PATJ: variants seen among roughly 807,000 people sequenced by gnomAD.
PATJ encodes PATJ crumbs cell polarity complex component.
PATJ carries 190 observed loss-of-function variants against 224.9 expected under a neutral mutation model. That is an observed-to-expected ratio of 0.84 (90% CI 0.75 to 0.95). The LOEUF is 0.95. Among genes scored for constraint, PATJ ranks in the 40% least tolerant of loss-of-function variants. The pLI, the probability that PATJ is intolerant of heterozygous loss-of-function variation, is 0.00. For synonymous variants in PATJ, 769 were observed against 820.3 expected (o/e 0.94, Z 1.07); for missense variants, 2,121 against 2,270.3 (o/e 0.93, Z 1.34).
chr1:61,853,324 C>T (rs1663132516), intron 17 of PATJ, among the ~76,000 whole-genome samples: 1 of 152,080 alleles, frequency 6.6e-6, no homozygotes, highest in South Asian at 2.1e-4. Flanking sequence ...ACCTCCTCAC[C>T]TATTTGGGTT....
At chr1:62,104,173 T>C (rs1207409133) in intron 33 of PATJ, among the ~76,000 whole-genome samples, 1 of 152,020 alleles carries the variant, frequency 6.6e-6, no homozygotes, top group Non-Finnish European at 1.5e-5. Context: ...AGAGCTGCAG[T>C]TTTGCTTGAA....
intron 31 of PATJ, among the ~76,000 whole-genome samples, chr1:62,054,928 G>T (rs994779426): frequency 6.6e-6 from 1 of 152,024 alleles, no homozygotes; most frequent in Non-Finnish European, 1.5e-5. Context: ...GGTGGCGGGT[G>T]CCTGTAGTCC....
At chr1:61,756,905 G>C (rs979861965) in intron 1 of PATJ, among the ~76,000 whole-genome samples, 1 of 151,830 alleles carries the variant, frequency 6.6e-6, no homozygotes, top group African/African-American at 2.4e-5. Context: ...GTTTTCTGTT[G>C]TGTTCTCATT....
chr1:62,146,857 G>A (rs576873445), intron 41 of PATJ, among the ~76,000 whole-genome samples: 2 of 152,080 alleles, frequency 1.3e-5, no homozygotes, highest in Non-Finnish European at 2.9e-5. Flanking sequence ...GGTTGTGAGA[G>A]ACAGAGATGA....
chr1:61,796,195 C>T (rs1651063068), intron 10 of PATJ, among the ~76,000 whole-genome samples: 1 of 152,236 alleles, frequency 6.6e-6, no homozygotes, highest in South Asian at 2.1e-4. Flanking sequence ...TGACTCTTGG[C>T]TTTAAAAGCC....
chr1:61,869,252 G>A (rs929809707), intron 20 of PATJ, among the ~76,000 whole-genome samples: 27 of 149,400 alleles, frequency 1.8e-4, no homozygotes, highest in South Asian at 8.7e-4. Context: ...GACTACAGGC[G>A]CCCGCCACTA....
At chr1:61,968,577 T>C (rs1682498524) in intron 27 of PATJ, among the ~76,000 whole-genome samples, 1 of 152,190 alleles carries the variant, frequency 6.6e-6, no homozygotes, top group Non-Finnish European at 1.5e-5. Flanking sequence ...ATTATTATTA[T>C]ACTTTAAGTT....
intron 41 of PATJ, among the ~76,000 whole-genome samples, chr1:62,141,827 G>A (rs1015811168): frequency 6.6e-6 from 1 of 152,026 alleles, no homozygotes; most frequent in East Asian, 1.9e-4. Flanking sequence ...AAAATTAGCT[G>A]GGCGTGGTGA....
rs75615710 is a variant in PATJ at position 61,813,225 on chromosome 1, T to C, written c.1683+4695T>C. Among the ~76,000 whole-genome samples, 105 of 150,274 alleles carry C rather than the reference T, an allele frequency of 7.0e-4. 2 individuals are homozygous for C. In the East Asian group the frequency reaches 0.02, roughly 29 times the overall value. Reference sequence around the variant, plus strand: ...ACACTTTGTGTACATTTTTGAAGAGTGTGATTCTCTTTCTCCAGGCAGAAG... The same window carrying C: ...ACACTTTGTGTACATTTTTGAAGAGCGTGATTCTCTTTCTCCAGGCAGAAG... On this transcript the variant is annotated intron_variant, in intron 14 of 43. Transcript: ENST00000642238.
intron 28 of PATJ, among the ~76,000 whole-genome samples, chr1:62,017,395 C>T (rs1646830406): frequency 6.9e-6 from 1 of 144,040 alleles, no homozygotes; most frequent in Admixed American, 7.1e-5. Flanking sequence ...TCCTGGGTGA[C>T]TAAGCGAGAC....
intron 33 of PATJ, among the ~76,000 whole-genome samples, chr1:62,106,063 A>AAAAATAT (rs34767684): frequency 3.0e-4 from 12 of 39,640 alleles, no homozygotes; most frequent in African/African-American, 1.1e-3. Flanking sequence ...AAAAAAAAAA[A>AAAAATAT]ATATATATAT....
At chr1:61,809,536 C>A (rs1570627491) in intron 14 of PATJ, among the ~76,000 whole-genome samples, 2 of 151,682 alleles carry the variant, frequency 1.3e-5, no homozygotes, top group African/African-American at 4.8e-5. Flanking sequence ...TACAGGCATG[C>A]ACCACCATGC....
chr1:62,131,296 C>T (rs1017448159), intron 41 of PATJ, among the ~76,000 whole-genome samples: 4 of 152,128 alleles, frequency 2.6e-5, no homozygotes, highest in Non-Finnish European at 5.9e-5. Flanking sequence ...GTTATGCTGA[C>T]CCCTAGAGGC....
intron 1 of PATJ, 134 bp from the exon 2 acceptor site, chr1:61,762,723 TG>T: frequency 2.1e-6 from 1 of 468,008 alleles, no homozygotes; most frequent in Non-Finnish European, 3.9e-6. Context: ...GGCACCTCAT[TG>T]TGGTTATAAT....
rs180747687 is a variant in PATJ at position 61,762,433 on chromosome 1, T to G, written c.-35-425T>G. Among the ~76,000 whole-genome samples, 787 of 152,308 alleles carry G rather than the reference T, an allele frequency of 5.2e-3. 4 individuals carry two copies. Among genetic ancestry groups the G allele is most frequent in the Non-Finnish European group, 8.8e-3 (598 of 68,036 alleles). On this transcript the variant is annotated intron_variant, in intron 1 of 43. Coordinates refer to ENST00000642238, the MANE Select transcript of PATJ (RefSeq NM_001350145.3). Reference sequence around the variant, plus strand: ...ACTAGACACTTGGGTTTTTCTAGTTTTGGGGTTTTTGTAAATAAAAATGCT... The same window carrying G: ...ACTAGACACTTGGGTTTTTCTAGTTGTGGGGTTTTTGTAAATAAAAATGCT...
In PATJ at chr1:61,763,982, T is replaced by G. The variant is rs146376032; in HGVS notation, c.189+803T>G. ...CGTATTTTCCTTATGAAGTCTTTTT[T>G]TGTGTGTGTGTGTGGTCTTTTTTTT... is the stretch of plus-strand genomic sequence containing the variant. On this transcript the variant is annotated intron_variant, in intron 3 of 43. Transcript: ENST00000642238. 7.2e-4 allele frequency among the ~76,000 whole-genome samples: 109 copies of G among 150,696 alleles called. No individual in the cohort carries two copies. The Middle Eastern group carries it at 0.017, about 24-fold the overall frequency.
intron 27 of PATJ, among the ~76,000 whole-genome samples, chr1:61,938,307 A>G (rs1265228461): frequency 6.6e-6 from 1 of 152,160 alleles, no homozygotes; most frequent in Non-Finnish European, 1.5e-5. Context: ...TTTTGTCCAG[A>G]GTGCTAGTAT....
chr1:61,933,088 G>C (rs1297517066), intron 27 of PATJ, among the ~76,000 whole-genome samples: 1 of 152,034 alleles, frequency 6.6e-6, no homozygotes, highest in Non-Finnish European at 1.5e-5. Context: ...ATTGAACTCT[G>C]GTTCAATTAG....
At chr1:62,004,855 C>A (rs1046968150) in intron 28 of PATJ, among the ~76,000 whole-genome samples, 2 of 152,190 alleles carry the variant, frequency 1.3e-5, no homozygotes. Flanking sequence ...ACTCACAGAA[C>A]TTTCTTTAAA....
Sources: allele counts gnomAD v4.1 joint callset (sites outside exome capture counted in the v4.1 genomes callset), GRCh38; gene constraint gnomAD v4.1.1; transcripts MANE v1.5; gene names NCBI Gene and HGNC (gene_info 2026-07-23, HGNC 2026-07-21).